The following MAP7 variants were observed in gnomAD, a reference collection of about 807,000 sequenced individuals.
MAP7 encodes the protein ensconsin.
Under a neutral mutation model 94.8 loss-of-function variants are expected in MAP7, and 52 were observed. That is an observed-to-expected ratio of 0.55 (90% CI 0.44 to 0.69). MAP7 has a LOEUF of 0.69. MAP7 is among the 30% of genes least tolerant of loss of function. The probability of loss-of-function intolerance (pLI) is 0.00; values close to 1 mark genes in which losing one functional copy is unlikely to be tolerated. For missense variants in MAP7, 940 were observed against 964.6 expected, an observed-to-expected ratio of 0.97 and a Z score of 0.34; for synonymous variants, 350 against 357.0, an observed-to-expected ratio of 0.98 and a Z score of 0.22.
chr6:136,450,666 C>T (rs1012957097), intron 1 of MAP7, among the ~76,000 whole-genome samples: 3 of 151,986 alleles, frequency 2.0e-5, no homozygotes, highest in African/African-American at 7.3e-5. Flanking sequence ...CGCCTGTAAT[C>T]CCAGCTACTC....
intron 1 of MAP7, among the ~76,000 whole-genome samples, chr6:136,541,887 C>T (rs1292876085): frequency 6.6e-6 from 1 of 152,036 alleles, no homozygotes; most frequent in Non-Finnish European, 1.5e-5. Context: ...GGCAAAACCC[C>T]CTCTCTACTA....
intron 5 of MAP7, among the ~76,000 whole-genome samples, chr6:136,385,037 CT>C (rs1429312562): frequency 1.3e-5 from 2 of 152,106 alleles, no homozygotes; most frequent in Admixed American, 6.6e-5. Flanking sequence ...TTTTATTTTT[CT>C]GTTGTTACCT....
chr6:136,425,075 A>G (rs753202463), intron 1 of MAP7, among the ~76,000 whole-genome samples: 1 of 152,188 alleles, frequency 6.6e-6, no homozygotes, highest in Non-Finnish European at 1.5e-5. Flanking sequence ...GACAGCTCCT[A>G]TGTGACTGAC....
At chr6:136,464,342 GTC>G (rs1384865335) in intron 1 of MAP7, among the ~76,000 whole-genome samples, 2 of 152,152 alleles carry the variant, frequency 1.3e-5, no homozygotes, top group African/African-American at 2.4e-5. Context: ...GCTACCTGTG[GTC>G]AACCACAGTC....
chr6:136,468,569 A>T (rs529459923), intron 1 of MAP7, among the ~76,000 whole-genome samples: 2 of 152,350 alleles, frequency 1.3e-5, no homozygotes, highest in South Asian at 4.1e-4. Context: ...CCTACCTTAA[A>T]TGTGCTAAGA....
chr6:136,372,959 C>T (rs923868363), intron 7 of MAP7, among the ~76,000 whole-genome samples: 14 of 152,000 alleles, frequency 9.2e-5, no homozygotes, highest in Non-Finnish European at 1.3e-4. Context: ...GTCTTATATT[C>T]CTATTAGCTG....
In MAP7 at chr6:136,543,813, T is replaced by A. The variant is rs553978763; in HGVS notation, c.67+6529A>T. On this transcript the variant is annotated intron_variant, in intron 1 of 17. Coordinates refer to ENST00000354570, the MANE Select transcript of MAP7 (RefSeq NM_003980.6). Reference sequence around the variant, plus strand: ...AAGGTGCAGCATTAGGGAATTTAGGTTGGAGGCAGAGGACTCTTTGGGATA... The same window carrying A: ...AAGGTGCAGCATTAGGGAATTTAGGATGGAGGCAGAGGACTCTTTGGGATA... 2.6e-5 allele frequency among the ~76,000 whole-genome samples: 4 copies of A among 152,222 alleles called. No homozygotes were observed. The East Asian group carries it at 7.8e-4, about 30-fold the overall frequency.
Position 136,377,855 on chromosome 6 carries a change from C to T in MAP7, c.651G>A (p.Gln217=). Residue 217 remains glutamine, a synonymous_variant, in exon 7 of 18, where the codon CAG becomes CAA. Transcript: ENST00000354570. Reference sequence around the variant, plus strand: ...CAACGCTGCTCTCCCATGGGCTGAGCTGCAGGCGGCGAGCTAAACGTCACC... The same window carrying T: ...CAACGCTGCTCTCCCATGGGCTGAGTTGCAGGCGGCGAGCTAAACGTCACC... ...LNSPDRARRL[Q]LSPWESSVVN... is the part of the protein sequence containing the mutation. The T allele has an allele frequency of 6.2e-7, 1 of 1,613,636 alleles. No homozygotes were observed. Among genetic ancestry groups the T allele is most frequent in the Non-Finnish European group, 8.5e-7 (1 of 1,179,684 alleles).
chr6:136,464,123 T>C (rs1200092924), intron 1 of MAP7, among the ~76,000 whole-genome samples: 1 of 152,206 alleles, frequency 6.6e-6, no homozygotes, highest in Non-Finnish European at 1.5e-5. Context: ...CTTTCTGGAG[T>C]ATTCAATTTA....
intron 2 of MAP7, among the ~76,000 whole-genome samples, chr6:136,413,053 T>G (rs140094250): frequency 6.6e-6 from 1 of 151,970 alleles, no homozygotes; most frequent in Non-Finnish European, 1.5e-5. Context: ...TCCCAGCCAT[T>G]TGGGAGGCTG....
intron 1 of MAP7, among the ~76,000 whole-genome samples, chr6:136,542,072 A>T (rs981312130): frequency 8.5e-5 from 13 of 152,232 alleles, no homozygotes; most frequent in East Asian, 7.7e-4. Context: ...AAATATATTT[A>T]AAAAAAATTT....
At chr6:136,526,699 ACTC>A in intron 1 of MAP7, 1 of 984,848 alleles carries the variant, frequency 1.0e-6, no homozygotes, top group South Asian at 4.7e-5. Flanking sequence ...GCAGCAGTAG[ACTC>A]CTCAGTATGG....
Position 136,362,544 on chromosome 6 carries a change from C to T in MAP7, c.1432G>A (p.Glu478Lys), listed in dbSNP as rs759701304. 4 of 1,614,152 alleles carry T rather than the reference C, an allele frequency of 2.5e-6. No individual in the cohort carries two copies. The highest frequency in any genetic ancestry group is 2.2e-5 in the East Asian group (1 of 44,874). Residue 478 changes from glutamate to lysine, a missense_variant, in exon 11 of 18, where the codon GAG becomes AAG. Glu to Lys is a moderately conservative substitution (Grantham distance 56, BLOSUM62 1). Transcript: ENST00000354570. ...KTSAGTTDPE[E>K]ATRLLAEKRR... ...TTCTCAGCTAGAAGCCTTGTGGCCT[C>T]CTCTGGGTCGGTGGTGCCTGCAGAA...
intron 1 of MAP7, among the ~76,000 whole-genome samples, chr6:136,527,272 T>C (rs1464856793): frequency 3.9e-5 from 6 of 152,204 alleles, no homozygotes. Flanking sequence ...TTAAAATGTG[T>C]GCTGTCTCCA....
chr6:136,400,049 A>G (rs1157150049), intron 3 of MAP7, among the ~76,000 whole-genome samples: 1 of 152,212 alleles, frequency 6.6e-6, no homozygotes, highest in Non-Finnish European at 1.5e-5. Flanking sequence ...TGGTACTTAC[A>G]TCAAACCAAC....
At chr6:136,502,537 G>C (rs753093769) in intron 1 of MAP7, among the ~76,000 whole-genome samples, 2 of 152,242 alleles carry the variant, frequency 1.3e-5, no homozygotes, top group Non-Finnish European at 2.9e-5. Context: ...GTGGCACACA[G>C]AGCACCGGCA....
At chr6:136,472,639 A>G (rs1056932121) in intron 1 of MAP7, among the ~76,000 whole-genome samples, 2 of 152,120 alleles carry the variant, frequency 1.3e-5, no homozygotes, top group African/African-American at 2.4e-5. Flanking sequence ...TGCCACAATG[A>G]AACTGGGGAA....
intron 1 of MAP7, among the ~76,000 whole-genome samples, chr6:136,447,963 G>A (rs540002553): frequency 5.4e-4 from 82 of 152,122 alleles, no homozygotes; most frequent in Non-Finnish European, 9.9e-4. Flanking sequence ...AGGCTGAGGC[G>A]GGCAGATCAC....
chr6:136,358,935 C>T (rs1791746316), intron 15 of MAP7, among the ~76,000 whole-genome samples: 1 of 152,146 alleles, frequency 6.6e-6, no homozygotes, highest in South Asian at 2.1e-4. Context: ...GGGACTTTGC[C>T]TATTTGTTCA....
Sources: gnomAD v4.1 joint callset for allele counts (sites outside exome capture counted in the v4.1 genomes callset) on GRCh38, gnomAD v4.1.1 for gene constraint, MANE v1.5 for transcripts, NCBI Gene and HGNC (gene_info 2026-07-23, HGNC 2026-07-21) for gene names.